Variants in RNF213 observed in about 807,000 individuals in gnomAD.
The protein encoded by RNF213 is ring finger protein 213, also known as E3 ubiquitin-protein ligase RNF213.
In RNF213, 341 loss-of-function variants were observed where a neutral mutation model predicts 514.4. The ratio of observed to expected loss-of-function variants is 0.66; its 90% CI spans 0.61 to 0.73. The LOEUF is 0.73. Among genes scored for constraint, RNF213 ranks in the 30% least tolerant of loss-of-function variants. RNF213 has a pLI of 0.00. For synonymous variants in RNF213, 2,655 were observed against 2,658.2 expected (o/e 1.00, Z 0.04); for missense variants, 5,767 against 6,615.6 (o/e 0.87, Z 4.45).
chr17:80,282,938 TC>T (rs1022786406), intron 3 of RNF213, among the ~76,000 whole-genome samples: 2 of 152,168 alleles, frequency 1.3e-5, no homozygotes, highest in Admixed American at 1.3e-4. Context: ...CCTCAGGTGA[TC>T]CGCCCGCCTC....
chr17:80,344,078 G>A, intron 28 of RNF213, 63 bp downstream of exon 28: 1 of 1,565,062 alleles, frequency 6.4e-7, no homozygotes. Context: ...TGGTCTTACT[G>A]AAGTGGAATG....
rs2078258319 is a variant in RNF213 at position 80,344,846 on chromosome 17, T to G, written c.6511T>G (p.Leu2171Val). 6.2e-7 allele frequency: 1 copy of G among 1,614,000 alleles called. No homozygotes were observed. Among genetic ancestry groups the G allele is most frequent in the African/African-American group, 1.3e-5 (1 of 74,900 alleles). ...SETFQRPYQYLRRFNQNQDLD... is the reference protein window; with the variant it reads ...SETFQRPYQYVRRFNQNQDLD... ...AACTTTCCAAAGACCTTACCAGTATTTAAGACGATTCAATCAAAACCAAGA... is the reference window on the plus strand; with the variant it reads ...AACTTTCCAAAGACCTTACCAGTATGTAAGACGATTCAATCAAAACCAAGA... Residue 2171 changes from leucine to valine, a missense_variant, in exon 29 of 68, where the codon TTA becomes GTA. Physicochemically the swap from Leu to Val is conservative, Grantham distance 32. Transcript: ENST00000582970.
intron 42 of RNF213, among the ~76,000 whole-genome samples, chr17:80,366,657 A>G (rs1396666812): frequency 1.2e-5 from 1 of 83,532 alleles, no homozygotes; most frequent in Non-Finnish European, 2.7e-5. Flanking sequence ...CAATTCAAGG[A>G]TGGCTCAAAA....
chr17:80,389,255 TAGA>T lies in RNF213; in HGVS notation c.15086_15088del (p.Glu5029del). ...GATGCCTGTGAAGTGCTGTCTGTCG[TAGA>T]AGTCACTCTGGGGTTTCTGAGCACA... On this transcript the variant is annotated inframe_deletion, in exon 65 of 68. Transcript: ENST00000582970. The T allele has an allele frequency of 4.3e-6, 7 of 1,614,216 alleles. No individual in the cohort carries two copies. Among genetic ancestry groups the T allele is most frequent in the Non-Finnish European group, 5.1e-6 (6 of 1,180,024 alleles).
At position 80,347,071 on chromosome 17, in the gene RNF213, G is replaced by T. The variant is rs148818590; in HGVS notation, c.8736G>T (p.Glu2912Asp). The T allele has an allele frequency of 6.2e-7, 1 of 1,613,984 alleles. No homozygotes were observed. Among genetic ancestry groups the T allele is most frequent in the Admixed American group, 1.7e-5 (1 of 60,004 alleles). ...RGSPNETELIESAKGICSSDI... is the reference protein window; with the variant it reads ...RGSPNETELIDSAKGICSSDI... ...GCCCCAACGAGACAGAGCTCATAGA[G>T]AGCGCCAAGGGCATCTGCTCCTCAG... The change falls in exon 29 of 68, where the codon GAG becomes GAT. Residue 2912 changes from glutamate (E) to aspartate (D), a missense_variant. Transcript: ENST00000582970. This position sits in a 1 kb window ranked among gnomAD's most constrained non-coding sequence, Gnocchi z 7.2.
chr17:80,285,175 C>T (rs2143160962), intron 3 of RNF213, among the ~76,000 whole-genome samples: 1 of 152,344 alleles, frequency 6.6e-6, no homozygotes, highest in South Asian at 2.1e-4. Context: ...TCTCCGTGTG[C>T]TTTGTCCCAT....
rs1287609061 is a variant in RNF213 at position 80,346,718 on chromosome 17, C to G, written c.8383C>G (p.Leu2795Val). 6.2e-7 allele frequency: 1 copy of G among 1,611,888 alleles called. No individual in the cohort carries two copies. The highest frequency in any genetic ancestry group is 8.5e-7 in the Non-Finnish European group (1 of 1,179,966). The stretch of plus-strand genomic sequence containing the variant: ...GCAGGGCCCGGCTGCCTACTCAGAT[C>G]TCTTCCGCAGCCTGAAGCAGGTCCA... ...AMQGPAAYSDLFRSLKQVHLV... is the reference protein window; with the variant it reads ...AMQGPAAYSDVFRSLKQVHLV... The change falls in exon 29 of 68, where the codon CTC becomes GTC. Residue 2795 changes from leucine (L) to valine (V), a missense_variant. This residue lies in a region of RNF213 where 105 missense variants were observed against 183.9 expected (regional missense o/e 0.57). Transcript: ENST00000582970. The surrounding 1 kb of genome is among the most constrained non-coding windows in gnomAD (Gnocchi z 8.1).
rs1455257630 is a variant in RNF213, at chr17:80,327,997, T to A, written c.3367+8T>A. ...TTGACATCTGGCAACTGAGTAAGCA[T>A]CGAGTCGATACGCACTTCAGGCTCC... is the stretch of plus-strand genomic sequence containing the variant. On this transcript the variant is annotated splice_region_variant and intron_variant, in intron 19 of 67. Transcript: ENST00000582970. 1 of 1,537,118 alleles carries A rather than the reference T, an allele frequency of 6.5e-7. No homozygotes were observed. The highest frequency in any genetic ancestry group is 2.0e-5 in the Admixed American group (1 of 50,982).
intron 18 of RNF213, among the ~76,000 whole-genome samples, chr17:80,325,763 C>T (rs371111495): frequency 3.3e-5 from 5 of 151,828 alleles, no homozygotes; most frequent in African/African-American, 9.7e-5. Flanking sequence ...GTCCAGTTGG[C>T]GTGTGAGACC....
chr17:80,331,975 G>T lies in RNF213; in HGVS notation c.3518-31G>T. On this transcript the variant is annotated intron_variant, in intron 20 of 67. Transcript: ENST00000582970. The stretch of plus-strand genomic sequence containing the variant: ...AAAATGGAATCATGATTAGAGCTTT[G>T]ACTTCTGACACTTTCTTTTCGCTTC... 6 of 1,521,510 alleles carry T rather than the reference G, an allele frequency of 3.9e-6. No individual in the cohort carries two copies. The South Asian group carries it at 7.3e-5, about 18-fold the overall frequency. 94.3% of individuals were successfully genotyped at this position (1,521,510 alleles called of 1,614,324 possible).
At chr17:80,306,201 C>T in intron 11 of RNF213, 51 bp from the exon 12 acceptor site, 1 of 1,551,106 alleles carries the variant, frequency 6.4e-7, no homozygotes, top group South Asian at 1.1e-5. Flanking sequence ...TCCATTTTCC[C>T]TCACTGATCT....
chr17:80,299,563 T>TTTA (rs945586919), intron 11 of RNF213, among the ~76,000 whole-genome samples: 33 of 152,142 alleles, frequency 2.2e-4, no homozygotes, highest in African/African-American at 7.2e-4. Flanking sequence ...TATTTATTTA[T>TTTA]TTATTTTTAA....
chr17:80,354,051 A>G lies in RNF213; in HGVS notation c.10611A>G (p.Arg3537=), dbSNP rs565478941. ...VSILDTTRLL[R]SCVQSAVGML... ...TCCTGGACACCACCAGGCTGCTGAG[A>G]AGCTGTGTGCAGAGCGCCGTGGGCA... is the stretch of plus-strand genomic sequence containing the variant. Residue 3537 remains arginine, a synonymous_variant, in exon 35 of 68, where the codon AGA becomes AGG. Transcript: ENST00000582970. 3 of 1,613,940 alleles carry G rather than the reference A, an allele frequency of 1.9e-6. No individual in the cohort carries two copies. The highest frequency in any genetic ancestry group is 4.5e-5 in the East Asian group (2 of 44,882).
Position 80,350,408 on chromosome 17 carries a change from G to A in RNF213, c.10184+12G>A. ...ATTGCCTCAGCTAAGTATGTTTTTA[G>A]TATTTTTCTCAGAAACTATGTAAAA... On this transcript the variant is annotated intron_variant, in intron 31 of 67. Transcript: ENST00000582970. 3.8e-6 allele frequency: 6 copies of A among 1,565,586 alleles called. No individual in the cohort carries two copies. Among genetic ancestry groups the A allele is most frequent in the Non-Finnish European group, 5.3e-6 (6 of 1,136,208 alleles).
Position 80,383,890 on chromosome 17 carries a change from A to G in RNF213, c.14284A>G (p.Lys4762Glu). 6.2e-7 allele frequency: 1 copy of G among 1,614,240 alleles called. No homozygotes were observed. Among genetic ancestry groups the G allele is most frequent in the South Asian group, 1.1e-5 (1 of 91,086 alleles). The change falls in exon 59 of 68, where the codon AAA becomes GAA. Residue 4762 changes from lysine (K) to glutamate (E), a missense_variant. By Grantham distance (56) the Lys-to-Glu change is moderately conservative. Around this residue, in one of 13 missense-constraint regions of RNF213, gnomAD observed 1,245 missense variants for 1,339.0 expected, o/e 0.93. Coordinates refer to ENST00000582970, the MANE Select transcript of RNF213 (RefSeq NM_001256071.3). ...LQHIVEQKNG[K>E]ERVPILWHFL... Reference sequence around the variant, plus strand: ...GCACATTGTGGAACAGAAAAATGGCAAAGAAAGAGTGCCCATCCTCTGGCA... The same window carrying G: ...GCACATTGTGGAACAGAAAAATGGCGAAGAAAGAGTGCCCATCCTCTGGCA...
chr17:80,275,800 C>T (rs1165004849), intron 3 of RNF213, among the ~76,000 whole-genome samples: 2 of 151,936 alleles, frequency 1.3e-5, no homozygotes, highest in Non-Finnish European at 2.9e-5. Flanking sequence ...GTAGCTGGGA[C>T]TACAGGCACC....
At chr17:80,261,751 G>A (rs1275640959) in intron 1 of RNF213, among the ~76,000 whole-genome samples, 2 of 152,252 alleles carry the variant, frequency 1.3e-5, no homozygotes, top group East Asian at 3.8e-4. Context: ...GGGCGCAGTG[G>A]CTAATGCCTG....
chr17:80,337,090 A>T (rs1356168598), intron 23 of RNF213, among the ~76,000 whole-genome samples: 1 of 152,124 alleles, frequency 6.6e-6, no homozygotes, highest in African/African-American at 2.4e-5. Context: ...TTCTGCTAGA[A>T]AGTCAGCAGA....
chr17:80,386,173 C>T, intron 61 of RNF213, 77 bp from the exon 62 acceptor site: 1 of 1,422,308 alleles, frequency 7.0e-7, no homozygotes, highest in Non-Finnish European at 9.8e-7. Flanking sequence ...ATGGCTTCTG[C>T]ATCCCTCCTC....
Sources: allele counts gnomAD v4.1 joint callset (sites outside exome capture counted in the v4.1 genomes callset), GRCh38; gene constraint gnomAD v4.1.1; regional missense constraint gnomAD v4.1.1; non-coding constraint Gnocchi (gnomAD v3.1); transcripts MANE v1.5; gene names NCBI Gene and HGNC (gene_info 2026-07-23, HGNC 2026-07-21).